PCDH11Y: variants seen among roughly 807,000 people sequenced by gnomAD.
The protein encoded by PCDH11Y is protocadherin-11 Y-linked.
For missense variants in PCDH11Y, 12 were observed against 224.8 expected (o/e 0.05, Z 6.05); for synonymous variants, 9 against 83.6 (o/e 0.11, Z 4.87).
At chrY:5,577,430 T>G in intron 3 of PCDH11Y, among the ~76,000 whole-genome samples, 1 of 33,186 alleles carries the variant, frequency 3.0e-5, no homozygotes, top group Non-Finnish European at 7.5e-5. Flanking sequence ...AAAATTCTGT[T>G]AATGTAGAAA....
intron 2 of PCDH11Y, among the ~76,000 whole-genome samples, chrY:5,302,207 GAGGAAGGAAGGAAGGA>G (rs767610156): frequency 1.0e-4 from 2 of 19,976 alleles, no homozygotes; most frequent in Non-Finnish European, 2.1e-4. Context: ...GGAAGGAAGG[GAGGAAGGAAGGAAGGA>G]AGGAAGGAAG....
At chrY:5,530,505 A>AT (rs2053391862) in intron 3 of PCDH11Y, among the ~76,000 whole-genome samples, 4 of 31,864 alleles carry the variant, frequency 1.3e-4, no homozygotes, top group Non-Finnish European at 2.3e-4. Flanking sequence ...AATCAGTACT[A>AT]TTTTTTTTTA....
At chrY:5,319,981 A>C in intron 2 of PCDH11Y, among the ~76,000 whole-genome samples, 2 of 33,096 alleles carry the variant, frequency 6.0e-5, no homozygotes, top group African/African-American at 2.3e-4. Context: ...AATAAGATAT[A>C]TCTTTTAACG....
At position 5,384,056 on chromosome Y, in the gene PCDH11Y, C is replaced by G. The variant is rs1602916065; in HGVS notation, c.3130-117001C>G. On this transcript the variant is annotated intron_variant, in intron 2 of 4. Coordinates refer to the PCDH11Y transcript ENST00000400457. ...TAATATCTCATGGATTTTGTAGCTA[C>G]TGTCAAATTGGCATGCTAATAATTC... 8.9e-5 allele frequency among the ~76,000 whole-genome samples: 3 copies of G among 33,639 alleles called. No homozygotes were observed. The South Asian group carries it at 2.0e-3, about 22-fold the overall frequency. The allele number at this position is 33,639 out of a possible 37,273, so 90.3% of individuals were successfully genotyped here.
intron 2 of PCDH11Y, among the ~76,000 whole-genome samples, chrY:5,386,496 T>C (rs2124675390): frequency 6.0e-5 from 2 of 33,182 alleles, no homozygotes; most frequent in Non-Finnish European, 1.5e-4. Context: ...CCAATTATCT[T>C]AGGTTTGGTC....
At chrY:5,044,774 G>C in intron 3 of PCDH11Y, among the ~76,000 whole-genome samples, 1 of 32,699 alleles carries the variant, frequency 3.1e-5, no homozygotes, top group Non-Finnish European at 7.5e-5. Flanking sequence ...CTCAGGACTT[G>C]CTTTATGAAT....
chrY:5,045,251 G>A (rs1185125621), intron 3 of PCDH11Y, among the ~76,000 whole-genome samples: 2 of 33,168 alleles, frequency 6.0e-5, no homozygotes, highest in African/African-American at 1.2e-4. Context: ...GGCTGGTACC[G>A]GTTGTTCCTT....
chrY:5,564,952 C>T, intron 3 of PCDH11Y, among the ~76,000 whole-genome samples: 3 of 32,768 alleles, frequency 9.2e-5, no homozygotes, highest in Non-Finnish European at 1.5e-4. Context: ...ATTTTAAAAA[C>T]CACTGATTTA....
At chrY:5,714,096 C>T in intron 4 of PCDH11Y, among the ~76,000 whole-genome samples, 3 of 32,572 alleles carry the variant, frequency 9.2e-5, no homozygotes, top group South Asian at 6.9e-4. Context: ...TGCATAAGTT[C>T]GATAAGAATC....
intron 2 of PCDH11Y, among the ~76,000 whole-genome samples, chrY:5,352,779 G>C: frequency 6.1e-5 from 2 of 33,021 alleles, no homozygotes; most frequent in Admixed American, 5.7e-4. Context: ...CTTTACAAAC[G>C]TAAAACAGTC....
At chrY:5,552,910 A>G in intron 3 of PCDH11Y, among the ~76,000 whole-genome samples, 1 of 29,132 alleles carries the variant, frequency 3.4e-5, no homozygotes, top group African/African-American at 1.4e-4. Flanking sequence ...TTCTGCTTGC[A>G]TCTACTTATG....
intron 2 of PCDH11Y, among the ~76,000 whole-genome samples, chrY:5,343,300 A>C (rs74677389): frequency 3.9e-5 from 1 of 25,561 alleles, no homozygotes; most frequent in Non-Finnish European, 9.0e-5. Flanking sequence ...GTCACCTAGG[A>C]TGGAGTGCAG....
At chrY:5,488,938 T>A (rs2053335962) in intron 2 of PCDH11Y, among the ~76,000 whole-genome samples, 21 of 31,960 alleles carry the variant, frequency 6.6e-4, no homozygotes, top group Admixed American at 1.2e-3. Flanking sequence ...CAAATCTCTT[T>A]TAGCAATATT....
intron 2 of PCDH11Y, among the ~76,000 whole-genome samples, chrY:5,131,858 T>C: frequency 3.0e-5 from 1 of 33,457 alleles, no homozygotes; most frequent in Non-Finnish European, 7.4e-5. Context: ...TTCTCGGATT[T>C]ATTGAGGTAT....
At chrY:5,357,263 A>ATG (rs2053168999) in intron 2 of PCDH11Y, among the ~76,000 whole-genome samples, 3 of 24,918 alleles carry the variant, frequency 1.2e-4, no homozygotes, top group African/African-American at 4.7e-4. Flanking sequence ...ATATATATAT[A>ATG]TATATATATA....
intron 2 of PCDH11Y, among the ~76,000 whole-genome samples, chrY:5,198,203 A>G: frequency 5.4e-5 from 1 of 18,397 alleles, no homozygotes; most frequent in Non-Finnish European, 1.2e-4. Context: ...GCTGGAGTGC[A>G]GTGGCAGGAT....
chrY:5,356,088 G>A, intron 2 of PCDH11Y, among the ~76,000 whole-genome samples: 1 of 33,404 alleles, frequency 3.0e-5, no homozygotes, highest in Non-Finnish European at 7.4e-5. Flanking sequence ...CCAATAAGGG[G>A]ATGCAGATGA....
At chrY:5,287,087 G>A in intron 2 of PCDH11Y, among the ~76,000 whole-genome samples, 2 of 33,132 alleles carry the variant, frequency 6.0e-5, no homozygotes, top group Admixed American at 5.6e-4. Context: ...AGCCTAGTTT[G>A]TTCAGGATTT....
At chrY:5,034,758 C>T (rs2052596595) in intron 3 of PCDH11Y, among the ~76,000 whole-genome samples, 2 of 30,872 alleles carry the variant, frequency 6.5e-5, no homozygotes, top group African/African-American at 2.5e-4. Flanking sequence ...CCACAAATCC[C>T]GTAAGCACTT....
Sources: gnomAD v4.1 joint callset for allele counts (sites outside exome capture counted in the v4.1 genomes callset) on GRCh38, gnomAD v4.1.1 for gene constraint, MANE v1.5 for transcripts, NCBI Gene and HGNC (gene_info 2026-07-23, HGNC 2026-07-21) for gene names.